The following RELN variants were observed in gnomAD, a reference collection of about 807,000 sequenced individuals.
The protein encoded by RELN is reelin.
Under a neutral mutation model 427.6 loss-of-function variants are expected in RELN, and 108 were observed. The observed-to-expected ratio is 0.25, with a 90% confidence interval of 0.22 to 0.30. RELN has a LOEUF of 0.30. Among genes scored for constraint, RELN ranks in the 10% least tolerant of loss-of-function variants. The pLI is 1.00. For missense variants in RELN, 3,715 were observed against 4,302.8 expected (o/e 0.86, Z 3.82); for synonymous variants, 1,524 against 1,513.4 (o/e 1.01, Z -0.16).
chr7:103,486,459 A>G (rs1361486745), intron 60 of RELN, 43 bp from the exon 61 acceptor site: 4 of 1,427,316 alleles, frequency 2.8e-6, no homozygotes, highest in African/African-American at 2.8e-5. Flanking sequence ...TGGACCAACC[A>G]GAGTCATTCA....
intron 2 of RELN, among the ~76,000 whole-genome samples, chr7:103,852,190 AGATCATCACCAAT>A (rs916738195): frequency 1.3e-5 from 2 of 152,194 alleles, no homozygotes; most frequent in Non-Finnish European, 2.9e-5. Flanking sequence ...GTGATTTTGA[AGATCATCACCAAT>A]GATCATCACC....
chr7:103,946,160 A>G (rs1796215914), intron 1 of RELN, among the ~76,000 whole-genome samples: 1 of 152,236 alleles, frequency 6.6e-6, no homozygotes, highest in Non-Finnish European at 1.5e-5. Flanking sequence ...TAGGTGCTGA[A>G]TAATATCTAC....
rs749092649 is a variant in RELN at position 103,636,216 on chromosome 7, C to T, written c.2303+19G>A. On this transcript the variant is annotated intron_variant, in intron 18 of 64. Transcript: ENST00000428762. ...TTAGTATCTGGTTTTTGTATGTATTCTACCCTGCCTTCACTCACCTGGATT... is the reference window on the plus strand; with the variant it reads ...TTAGTATCTGGTTTTTGTATGTATTTTACCCTGCCTTCACTCACCTGGATT... 1.3e-6 allele frequency: 2 copies of T among 1,525,472 alleles called. No homozygotes were observed. The highest frequency in any genetic ancestry group is 2.7e-5 in the African/African-American group (2 of 73,070). The allele number at this position is 1,525,472 out of a possible 1,614,324, so 94.5% of individuals were successfully genotyped here.
intron 62 of RELN, 62 bp downstream of exon 62, chr7:103,483,591 A>G: frequency 6.4e-7 from 1 of 1,556,196 alleles, no homozygotes; most frequent in South Asian, 1.1e-5. Context: ...AAACTTTGTG[A>G]TTCCCAGGGA....
chr7:103,672,302 TG>T (rs953079633), intron 11 of RELN, among the ~76,000 whole-genome samples: 2 of 152,106 alleles, frequency 1.3e-5, no homozygotes, highest in African/African-American at 4.8e-5. Context: ...ACAGTTACTA[TG>T]GGGCTGGGGG....
At chr7:103,532,480 G>T (rs925233716) in intron 46 of RELN, among the ~76,000 whole-genome samples, 3 of 151,912 alleles carry the variant, frequency 2.0e-5, no homozygotes, top group African/African-American at 7.3e-5. Flanking sequence ...AAAAGAAGAA[G>T]CTTTTCTGAA....
chr7:103,669,325 G>C (rs1268486927), intron 11 of RELN, among the ~76,000 whole-genome samples: 1 of 152,170 alleles, frequency 6.6e-6, no homozygotes, highest in Non-Finnish European at 1.5e-5. Flanking sequence ...AAGTCCTGTT[G>C]CTTTGAATAA....
In RELN at chr7:103,489,956, A is replaced by G. The variant is rs736707; in HGVS notation, c.9606-57T>C. ...AGTAGGTTGTTACTTCCATGGCTGC[A>G]TCCTGCCTCCAGCCTCTGGGAGAGG... On this transcript the variant is annotated intron_variant, in intron 59 of 64. Transcript: ENST00000428762. 382,103 of 1,602,426 alleles carry G rather than the reference A, an allele frequency of 0.24. 50,574 individuals are homozygous for G. The highest frequency in any genetic ancestry group is 0.49 in the East Asian group (21,782 of 44,728).
intron 1 of RELN, among the ~76,000 whole-genome samples, chr7:103,923,590 A>G: frequency 6.6e-6 from 1 of 152,214 alleles, no homozygotes; most frequent in Non-Finnish European, 1.5e-5. Flanking sequence ...AATTCAGTTT[A>G]TTCCAGGAAC....
intron 11 of RELN, among the ~76,000 whole-genome samples, chr7:103,663,445 C>T (rs566415689): frequency 6.6e-6 from 1 of 152,294 alleles, no homozygotes; most frequent in East Asian, 1.9e-4. Context: ...TCACTTTCCT[C>T]TGCTTTCTCT....
chr7:103,812,341 G>A lies in RELN; in HGVS notation c.473+21196C>T, dbSNP rs545468700. ...TTCTGACCTTGTGCACAGAGTCTAT[G>A]TCACATATTGGGCTGTCCTGCCCCC... On this transcript the variant is annotated intron_variant, in intron 3 of 64. Coordinates refer to ENST00000428762, the MANE Select transcript of RELN (RefSeq NM_005045.4). Among the ~76,000 whole-genome samples the A allele has an allele frequency of 5.2e-4, 79 of 152,256 alleles. No homozygotes were observed. The South Asian group carries it at 0.014, about 27-fold the overall frequency.
intron 27 of RELN, among the ~76,000 whole-genome samples, chr7:103,590,285 T>C (rs1486836251): frequency 1.3e-5 from 2 of 152,076 alleles, no homozygotes; most frequent in East Asian, 1.9e-4. Flanking sequence ...GTCAACCGGC[T>C]GGGTGCGGTG....
chr7:103,656,056 C>T (rs1833016128), intron 12 of RELN, among the ~76,000 whole-genome samples: 2 of 151,986 alleles, frequency 1.3e-5, no homozygotes, highest in Admixed American at 1.3e-4. Context: ...ATCTATAAAC[C>T]TGAGACCTGT....
At chr7:103,823,507 A>G (rs1457467538) in intron 3 of RELN, among the ~76,000 whole-genome samples, 1 of 151,826 alleles carries the variant, frequency 6.6e-6, no homozygotes, top group Non-Finnish European at 1.5e-5. Context: ...TTACATTTAC[A>G]TTTTTAACAG....
chr7:103,781,087 T>C (rs1401814076), intron 3 of RELN, among the ~76,000 whole-genome samples: 1 of 152,114 alleles, frequency 6.6e-6, no homozygotes, highest in African/African-American at 2.4e-5. Context: ...AGAAGACGCA[T>C]GGTTAGTATT....
intron 20 of RELN, among the ~76,000 whole-genome samples, chr7:103,623,445 T>G (rs749024830): frequency 1.8e-4 from 27 of 152,248 alleles, no homozygotes; most frequent in Non-Finnish European, 3.2e-4. Context: ...TGGCTGTTAT[T>G]CTATAGGTTG....
chr7:103,917,594 T>C (rs1463639597), intron 1 of RELN, among the ~76,000 whole-genome samples: 6 of 151,156 alleles, frequency 4.0e-5, no homozygotes, highest in East Asian at 2.0e-4. Context: ...GAAACAACTA[T>C]ACATCAGCTG....
chr7:103,952,002 TA>T (rs1796342352), intron 1 of RELN, among the ~76,000 whole-genome samples: 1 of 152,244 alleles, frequency 6.6e-6, no homozygotes, highest in Non-Finnish European at 1.5e-5. Flanking sequence ...TTTGAGCCCT[TA>T]AATCAAAAAG....
chr7:103,907,961 TA>T (rs1795254171), intron 2 of RELN, among the ~76,000 whole-genome samples: 1 of 151,992 alleles, frequency 6.6e-6, no homozygotes, highest in Admixed American at 6.6e-5. Context: ...CTTGCCCCCT[TA>T]CCCCAGCAAC....
Sources: allele counts gnomAD v4.1 joint callset (sites outside exome capture counted in the v4.1 genomes callset), GRCh38; gene constraint gnomAD v4.1.1; transcripts MANE v1.5; gene names NCBI Gene and HGNC (gene_info 2026-07-23, HGNC 2026-07-21).